The following ST13 variants were observed in gnomAD, a reference collection of about 807,000 sequenced individuals.
ST13 encodes hsc70-interacting protein.
A neutral mutation model predicts 56.7 loss-of-function variants in ST13; 23 were observed. That is an observed-to-expected ratio of 0.41 (90% confidence interval 0.29 to 0.57). The LOEUF (loss-of-function observed/expected upper bound fraction) is 0.57, where lower values mean the gene tolerates loss of function less well. Ranked by LOEUF, ST13 falls within the 20% of genes least tolerant of loss-of-function variation. ST13 has a pLI of 0.36. For missense variants in ST13, 369 were observed against 459.9 expected (o/e 0.80, Z 1.81); for synonymous variants, 132 against 142.4 (o/e 0.93, Z 0.52).
chr22:40,849,120 C>T (rs1052597863), intron 2 of ST13, among the ~76,000 whole-genome samples: 6 of 152,092 alleles, frequency 3.9e-5, no homozygotes, highest in African/African-American at 1.4e-4. Context: ...ATCAGCCTAC[C>T]TTCATCTATT....
intron 10 of ST13, among the ~76,000 whole-genome samples, chr22:40,828,830 C>CTTA (rs1568998287): frequency 6.6e-6 from 1 of 152,142 alleles, no homozygotes. Flanking sequence ...GCTGCCCCTA[C>CTTA]TTATCCCAAA....
Position 40,829,622 on chromosome 22 carries a change from A to G in ST13, c.847+4T>C, listed in dbSNP as rs1224378351. On this transcript the variant is annotated splice_donor_region_variant and intron_variant, in intron 10 of 11. Coordinates refer to ENST00000216218, the MANE Select transcript of ST13 (RefSeq NM_003932.5). ...AAACAGTTTTAACTTTTCTTTAAATATACCTGGAAAAGAGCCATACTGAGC... is the reference window on the plus strand; with the variant it reads ...AAACAGTTTTAACTTTTCTTTAAATGTACCTGGAAAAGAGCCATACTGAGC... 7.7e-6 allele frequency: 11 copies of G among 1,436,876 alleles called. No homozygotes were observed. Among genetic ancestry groups the G allele is most frequent in the African/African-American group, 1.4e-5 (1 of 70,830 alleles). 89.0% of individuals were successfully genotyped at this position (1,436,876 alleles called of 1,614,324 possible).
At chr22:40,830,099 A>C (rs2057747329) in intron 9 of ST13, among the ~76,000 whole-genome samples, 1 of 152,204 alleles carries the variant, frequency 6.6e-6, no homozygotes, top group Non-Finnish European at 1.5e-5. Flanking sequence ...GCTGCTTTTT[A>C]AAAGAGAAAA....
chr22:40,827,278 C>T (rs927710839), intron 10 of ST13, 49 bp from the exon 11 acceptor site: 6 of 1,593,782 alleles, frequency 3.8e-6, no homozygotes, highest in Non-Finnish European at 5.2e-6. Context: ...AATATTCTGA[C>T]ACAGTATTTC....
chr22:40,856,549 G>C lies in ST13; in HGVS notation c.-9C>G. 1 of 1,610,446 alleles carries C rather than the reference G, an allele frequency of 6.2e-7. No individual in the cohort carries two copies. The highest frequency in any genetic ancestry group is 2.2e-5 in the East Asian group (1 of 44,868). On this transcript the variant is annotated 5_prime_UTR_variant, in exon 1 of 12. Transcript: ENST00000216218. The stretch of plus-strand genomic sequence containing the variant: ...ACTTTGCGGGGGTCCATGGTAGGGA[G>C]GTGGTGGGCGAAACTGGGGGGGCTA...
intron 2 of ST13, among the ~76,000 whole-genome samples, 162 bp downstream of exon 2, chr22:40,850,661 G>A (rs1475020683): frequency 6.6e-6 from 1 of 152,050 alleles, no homozygotes; most frequent in Non-Finnish European, 1.5e-5. Flanking sequence ...CAGAGAATTC[G>A]GGTCTACAAA....
chr22:40,841,300 G>T (rs2057803502), intron 4 of ST13, among the ~76,000 whole-genome samples: 1 of 151,754 alleles, frequency 6.6e-6, no homozygotes, highest in Non-Finnish European at 1.5e-5. Flanking sequence ...AGCTCAGGAA[G>T]TCAAGGCTGT....
In ST13 at chr22:40,835,756, T is replaced by C. The variant is rs1463282519; in HGVS notation, c.467+47A>G. 1.9e-6 allele frequency: 3 copies of C among 1,600,210 alleles called. 1 individual carries two copies. The Admixed American group carries it at 5.0e-5, about 27-fold the overall frequency. On this transcript the variant is annotated intron_variant, in intron 6 of 11. Transcript: ENST00000216218. ...AGAAGCAACTCTATTTAAACAAATG[T>C]GCAGAAATTATTTGCCAGGGGATGC...
At chr22:40,837,837 G>A (rs980526408) in intron 5 of ST13, among the ~76,000 whole-genome samples, 1 of 152,086 alleles carries the variant, frequency 6.6e-6, no homozygotes, top group South Asian at 2.1e-4. Flanking sequence ...TTTAAGAGAT[G>A]GAGTCTCACT....
chr22:40,853,517 T>TA (rs1313018665), intron 1 of ST13, among the ~76,000 whole-genome samples: 1 of 152,212 alleles, frequency 6.6e-6, no homozygotes, highest in African/African-American at 2.4e-5. Context: ...AACTGCCACT[T>TA]AGACTTTGGC....
At chr22:40,829,172 T>C (rs1373666774) in intron 10 of ST13, among the ~76,000 whole-genome samples, 2 of 152,334 alleles carry the variant, frequency 1.3e-5, no homozygotes, top group East Asian at 3.9e-4. Context: ...ACCAGTGACA[T>C]ATAAGCATAC....
intron 1 of ST13, among the ~76,000 whole-genome samples, chr22:40,856,146 G>T (rs897283213): frequency 2.0e-5 from 3 of 152,238 alleles, no homozygotes; most frequent in African/African-American, 7.2e-5. Context: ...CACTCCTCGC[G>T]TCTCCAGTGT....
intron 4 of ST13, among the ~76,000 whole-genome samples, chr22:40,844,033 C>A (rs1569003117): frequency 6.6e-6 from 1 of 152,068 alleles, no homozygotes; most frequent in African/African-American, 2.4e-5. Flanking sequence ...CAGGCGTGCA[C>A]CATCATGCCT....
In ST13 at chr22:40,830,848, C is replaced by T. The variant is rs1373436162; in HGVS notation, c.790G>A (p.Ala264Thr). Reference protein sequence around the residue: ...VKKAREEHERAQREEEARRQS... With the variant: ...VKKAREEHERTQREEEARRQS... Reference sequence around the variant, plus strand: ...AGCTATAGGAAATTTACCCTCTGGGCTCTCTCATGCTCTTCTCGAGCCTTC... The same window carrying T: ...AGCTATAGGAAATTTACCCTCTGGGTTCTCTCATGCTCTTCTCGAGCCTTC... The change falls in exon 9 of 12, where the codon GCC (alanine) becomes ACC (threonine). Residue 264 changes from alanine (A) to threonine (T), a missense_variant. Physicochemically the swap from Ala to Thr is moderately conservative, Grantham distance 58. Around this residue, in one of 3 missense-constraint regions of ST13, gnomAD observed 136 missense variants for 159.2 expected, o/e 0.85. Transcript: ENST00000216218. 4 of 1,601,228 alleles carry T rather than the reference C, an allele frequency of 2.5e-6. No homozygotes were observed. In the African/African-American group the frequency reaches 4.0e-5, roughly 16 times the overall value.
chr22:40,830,732 C>G lies in ST13; in HGVS notation c.798+108G>C, dbSNP rs2057750001. The G allele has an allele frequency of 3.1e-5, 20 of 654,560 alleles. No individual in the cohort carries two copies. The South Asian group carries it at 4.4e-4, about 14-fold the overall frequency. The allele number at this position is 654,560 out of a possible 1,614,324, so 40.5% of individuals were successfully genotyped here. A position where few individuals can be genotyped will look rare whatever the true frequency, so the allele number is the denominator to read the frequency against. On this transcript the variant is annotated intron_variant, in intron 9 of 11. Transcript: ENST00000216218. ...TAAGTAATATCATTACTCTATAGAACTGTAGCCAGCATTAAATAAAAGAGC... is the reference window on the plus strand; with the variant it reads ...TAAGTAATATCATTACTCTATAGAAGTGTAGCCAGCATTAAATAAAAGAGC...
At chr22:40,851,483 C>G (rs559178931) in intron 1 of ST13, among the ~76,000 whole-genome samples, 1 of 152,066 alleles carries the variant, frequency 6.6e-6, no homozygotes, top group African/African-American at 2.4e-5. Context: ...CCAAATAGTT[C>G]AGGGCAACAC....
intron 4 of ST13, among the ~76,000 whole-genome samples, chr22:40,842,058 T>A (rs1457701111): frequency 1.3e-5 from 2 of 152,124 alleles, no homozygotes; most frequent in Non-Finnish European, 2.9e-5. Context: ...AACGGACAGT[T>A]GAGTAGTGAG....
At chr22:40,842,084 C>T (rs894111769) in intron 4 of ST13, among the ~76,000 whole-genome samples, 1 of 152,120 alleles carries the variant, frequency 6.6e-6, no homozygotes, top group Admixed American at 6.6e-5. Flanking sequence ...AAGAACTTCC[C>T]CTGAAAATTC....
intron 7 of ST13, among the ~76,000 whole-genome samples, chr22:40,834,278 C>A (rs1268281523): frequency 6.6e-6 from 1 of 152,130 alleles, no homozygotes; most frequent in Non-Finnish European, 1.5e-5. Context: ...GAGTGAGACT[C>A]TGTGTAGAAA....
Sources: allele counts gnomAD v4.1 joint callset (sites outside exome capture counted in the v4.1 genomes callset), GRCh38; gene constraint gnomAD v4.1.1; regional missense constraint gnomAD v4.1.1; transcripts MANE v1.5; gene names NCBI Gene and HGNC (gene_info 2026-07-23, HGNC 2026-07-21).